Variants in CEP162 observed in about 807,000 individuals in gnomAD.
CEP162 encodes the protein centrosomal protein 162.
A neutral mutation model predicts 169.2 loss-of-function variants in CEP162; 141 were observed. That is an observed-to-expected ratio of 0.83 (90% CI 0.73 to 0.96). CEP162 has a LOEUF of 0.96. Ranked by LOEUF, CEP162 falls within the 40% of genes least tolerant of loss-of-function variation. CEP162 has a pLI of 0.00. For missense variants in CEP162, 1,600 were observed against 1,587.2 expected, an observed-to-expected ratio of 1.01 and a Z score of -0.14; for synonymous variants, 540 against 526.4, an observed-to-expected ratio of 1.03 and a Z score of -0.35.
chr6:84,188,875 C>T (rs758668042), intron 11 of CEP162, among the ~76,000 whole-genome samples: 54 of 152,268 alleles, frequency 3.5e-4, no homozygotes, highest in South Asian at 1.2e-3. Flanking sequence ...TCCCTTTTCT[C>T]TGCAACCAGC....
At chr6:84,190,174 G>A (rs542123549) in intron 11 of CEP162, among the ~76,000 whole-genome samples, 2 of 151,998 alleles carry the variant, frequency 1.3e-5, no homozygotes, top group Non-Finnish European at 2.9e-5. Flanking sequence ...TGCACCAATC[G>A]ACACTCTGTA....
At chr6:84,137,848 T>C (rs928148856) in intron 25 of CEP162, among the ~76,000 whole-genome samples, 10 of 152,252 alleles carry the variant, frequency 6.6e-5, no homozygotes, top group African/African-American at 2.4e-4. Flanking sequence ...ATTTGAAAAA[T>C]ACATGCCTGA....
At chr6:84,196,535 T>C (rs1382798551) in intron 9 of CEP162, among the ~76,000 whole-genome samples, 1 of 152,234 alleles carries the variant, frequency 6.6e-6, no homozygotes, top group African/African-American at 2.4e-5. Context: ...TTTTGAGTAC[T>C]TTCTTGCTTA....
intron 2 of CEP162, among the ~76,000 whole-genome samples, chr6:84,224,043 C>T (rs1455019555): frequency 6.6e-6 from 1 of 152,116 alleles, no homozygotes; most frequent in Admixed American, 6.5e-5. Flanking sequence ...TTGGCATATA[C>T]ACAAGAGGAA....
intron 13 of CEP162, among the ~76,000 whole-genome samples, chr6:84,182,709 A>G (rs1162208218): frequency 1.3e-5 from 2 of 152,154 alleles, no homozygotes; most frequent in African/African-American, 4.8e-5. Flanking sequence ...CAGTTAAGAC[A>G]AAAGTCACAT....
intron 11 of CEP162, among the ~76,000 whole-genome samples, chr6:84,188,571 T>C (rs1320546785): frequency 2.0e-5 from 3 of 152,222 alleles, no homozygotes; most frequent in Non-Finnish European, 4.4e-5. Context: ...CTCATTCGTT[T>C]TTATGGCTGC....
At chr6:84,179,160 C>A (rs916479171) in intron 13 of CEP162, among the ~76,000 whole-genome samples, 2 of 152,136 alleles carry the variant, frequency 1.3e-5, no homozygotes, top group African/African-American at 2.4e-5. Context: ...ATTTATAATC[C>A]TTTGGGTATA....
intron 6 of CEP162, among the ~76,000 whole-genome samples, chr6:84,205,507 C>CA (rs1387606849): frequency 6.6e-6 from 1 of 152,086 alleles, no homozygotes; most frequent in Non-Finnish European, 1.5e-5. Flanking sequence ...AGGCCTTTGA[C>CA]AAAATTCAAC....
rs189363365 is a variant in CEP162 at position 84,190,711 on chromosome 6, C to A, written c.1109+2898G>T. Among the ~76,000 whole-genome samples, 4 of 152,200 alleles carry A rather than the reference C, an allele frequency of 2.6e-5. No homozygotes were observed. In the East Asian group the frequency reaches 7.7e-4, roughly 29 times the overall value. On this transcript the variant is annotated intron_variant, in intron 11 of 26. Transcript: ENST00000403245. ...GAACACATCTGAACATCAGAAGGGACAGACTCCAGACGCGCCACCTTAAGA... is the reference window on the plus strand; with the variant it reads ...GAACACATCTGAACATCAGAAGGGAAAGACTCCAGACGCGCCACCTTAAGA...
intron 11 of CEP162, among the ~76,000 whole-genome samples, chr6:84,192,068 C>A (rs948009826): frequency 1.3e-5 from 2 of 152,150 alleles, no homozygotes; most frequent in African/African-American, 4.8e-5. Context: ...TCCTAAATGA[C>A]TGTGTGGAGC....
In CEP162 at chr6:84,174,806, T is replaced by C; in HGVS notation, c.1946A>G (p.Asn649Ser). ...TTGTTTCTTTAGTTCTTCCAACTTA[T>C]TTTCTAGTTCTTTCTCCTTTTCTGA... Reference protein sequence around the residue: ...TFSEKEKELENKLEELKKQQE... With the variant: ...TFSEKEKELESKLEELKKQQE... Residue 649 changes from asparagine (N) to serine (S), a missense_variant, in exon 15 of 27, where the codon AAT becomes AGT. Transcript: ENST00000403245. 1.3e-6 allele frequency: 2 copies of C among 1,591,262 alleles called. No individual in the cohort carries two copies. Among genetic ancestry groups the C allele is most frequent in the Non-Finnish European group, 8.6e-7 (1 of 1,165,638 alleles).
intron 13 of CEP162, among the ~76,000 whole-genome samples, chr6:84,183,900 T>C (rs2099535958): frequency 6.6e-6 from 1 of 152,128 alleles, no homozygotes; most frequent in African/African-American, 2.4e-5. Context: ...ACTTCGTATC[T>C]TCTCTTTTCT....
chr6:84,176,579 C>T (rs934846825), intron 13 of CEP162, among the ~76,000 whole-genome samples: 52 of 152,288 alleles, frequency 3.4e-4, no homozygotes, highest in African/African-American at 1.2e-3. Context: ...ATCCAAACTG[C>T]TCTAAAATCT....
At chr6:84,225,747 C>T (rs13437014) in intron 2 of CEP162, among the ~76,000 whole-genome samples, 12,115 of 151,532 alleles carry the variant, frequency 0.08, 1,423 homozygotes, top group African/African-American at 0.26. Context: ...AAATACATAC[C>T]AGATTAAGAA....
chr6:84,177,886 G>A (rs945854527), intron 13 of CEP162, among the ~76,000 whole-genome samples: 3 of 152,156 alleles, frequency 2.0e-5, no homozygotes, highest in Admixed American at 6.6e-5. Context: ...TGAAAACTGT[G>A]ACTTGGACAA....
chr6:84,189,394 C>T (rs146561982), intron 11 of CEP162, among the ~76,000 whole-genome samples: 14,192 of 152,184 alleles, frequency 0.093, 1,738 homozygotes, highest in African/African-American at 0.29. Flanking sequence ...GGAACCGGGG[C>T]TGCGTGCGGC....
chr6:84,190,398 G>A (rs568330409), intron 11 of CEP162, among the ~76,000 whole-genome samples: 46 of 152,238 alleles, frequency 3.0e-4, no homozygotes, highest in Admixed American at 1.2e-3. Context: ...AGCCAGCATT[G>A]GCAACCTGCT....
intron 6 of CEP162, among the ~76,000 whole-genome samples, chr6:84,211,747 A>G (rs2099549576): frequency 6.6e-6 from 1 of 151,874 alleles, no homozygotes; most frequent in Admixed American, 6.6e-5. Context: ...AGCGGAAAGC[A>G]GCATTATTAT....
At chr6:84,137,018 G>A (rs1462449537) in intron 25 of CEP162, among the ~76,000 whole-genome samples, 1 of 152,172 alleles carries the variant, frequency 6.6e-6, no homozygotes, top group African/African-American at 2.4e-5. Context: ...TGTTGTGGGA[G>A]CCACCGTGCA....
Sources: allele counts gnomAD v4.1 joint callset (sites outside exome capture counted in the v4.1 genomes callset), GRCh38; gene constraint gnomAD v4.1.1; transcripts MANE v1.5; gene names NCBI Gene and HGNC (gene_info 2026-07-23, HGNC 2026-07-21).